The following GALNTL6 variants were observed in gnomAD, a reference collection of about 807,000 sequenced individuals.
The protein encoded by GALNTL6 is polypeptide N-acetylgalactosaminyltransferase-like 6.
In GALNTL6, 46 loss-of-function variants were observed where a neutral mutation model predicts 73.7. The observed-to-expected ratio is 0.62, with a 90% CI of 0.49 to 0.80. The LOEUF is 0.80. GALNTL6 is among the 30% of genes least tolerant of loss of function. The pLI is 0.00. For synonymous variants in GALNTL6, 259 were observed against 263.7 expected, an observed-to-expected ratio of 0.98 and a Z score of 0.17; for missense variants, 604 against 755.0, an observed-to-expected ratio of 0.80 and a Z score of 2.34.
intron 2 of GALNTL6, among the ~76,000 whole-genome samples, chr4:171,976,202 C>A (rs933170271): frequency 5.9e-5 from 9 of 152,144 alleles, no homozygotes; most frequent in African/African-American, 1.7e-4. Context: ...GGAATACAGG[C>A]GTAAGCCACT....
chr4:172,182,722 C>T (rs1051284103), intron 2 of GALNTL6, among the ~76,000 whole-genome samples: 15 of 151,734 alleles, frequency 9.9e-5, no homozygotes, highest in Admixed American at 2.0e-4. Context: ...TGTGTAAATA[C>T]ATTTTTTAAA....
chr4:172,977,377 A>G (rs1194357097), intron 10 of GALNTL6, among the ~76,000 whole-genome samples: 1 of 152,160 alleles, frequency 6.6e-6, no homozygotes, highest in Non-Finnish European at 1.5e-5. Flanking sequence ...GTCTTTCCAT[A>G]ACTGAACAAC....
intron 10 of GALNTL6, among the ~76,000 whole-genome samples, chr4:172,961,741 A>C (rs1750067214): frequency 6.6e-6 from 1 of 152,170 alleles, no homozygotes; most frequent in Admixed American, 6.5e-5. Flanking sequence ...GAATAAAGAG[A>C]GGCTGCTTAC....
chr4:172,341,833 T>G (rs1409618975), intron 4 of GALNTL6, among the ~76,000 whole-genome samples: 1 of 152,196 alleles, frequency 6.6e-6, no homozygotes, highest in Non-Finnish European at 1.5e-5. Context: ...CGGGTATGTC[T>G]TTATCAGCAC....
chr4:172,487,212 CTCCT>C (rs138742820), intron 5 of GALNTL6, among the ~76,000 whole-genome samples: 16,487 of 148,504 alleles, frequency 0.11, 1,001 homozygotes, highest in East Asian at 0.22. Flanking sequence ...TTCTTTCTTT[CTCCT>C]TCCTTCCTTC....
At chr4:172,470,108 G>A (rs1732991618) in intron 5 of GALNTL6, among the ~76,000 whole-genome samples, 1 of 152,140 alleles carries the variant, frequency 6.6e-6, no homozygotes, top group Non-Finnish European at 1.5e-5. Flanking sequence ...ACAATGCTAG[G>A]CACAGAAAGA....
chr4:172,487,192 T>TTTTC (rs564895002), intron 5 of GALNTL6, among the ~76,000 whole-genome samples: 8 of 151,416 alleles, frequency 5.3e-5, no homozygotes, highest in South Asian at 4.2e-4. Context: ...AAAATCTTCA[T>TTTTC]TTTCTTTCTT....
intron 2 of GALNTL6, among the ~76,000 whole-genome samples, chr4:172,199,410 G>A (rs181991805): frequency 5.9e-5 from 9 of 152,082 alleles, no homozygotes; most frequent in East Asian, 3.9e-4. Flanking sequence ...AATTATTTTC[G>A]TGATCATTTT....
chr4:172,633,372 G>T (rs1431047013), intron 5 of GALNTL6, among the ~76,000 whole-genome samples: 1 of 152,210 alleles, frequency 6.6e-6, no homozygotes, highest in Non-Finnish European at 1.5e-5. Flanking sequence ...TGGAGTCAAA[G>T]ACAATCATTT....
At chr4:172,261,089 T>C (rs1738241682) in intron 3 of GALNTL6, among the ~76,000 whole-genome samples, 2 of 151,284 alleles carry the variant, frequency 1.3e-5, no homozygotes, top group African/African-American at 4.8e-5. Context: ...TCTTTCCTGA[T>C]TGTGGTATTA....
chr4:172,515,879 T>A (rs970720619), intron 5 of GALNTL6, among the ~76,000 whole-genome samples: 7 of 152,166 alleles, frequency 4.6e-5, no homozygotes, highest in African/African-American at 9.7e-5. Context: ...TAGACTCAAT[T>A]CATCAGAACT....
chr4:171,947,159 C>T (rs150052428), intron 2 of GALNTL6, among the ~76,000 whole-genome samples: 99 of 152,082 alleles, frequency 6.5e-4, no homozygotes, highest in African/African-American at 2.1e-3. Context: ...TCTCTCTTTC[C>T]GCATGTATTT....
intron 3 of GALNTL6, among the ~76,000 whole-genome samples, chr4:172,256,049 G>A (rs1738064874): frequency 6.6e-6 from 1 of 151,426 alleles, no homozygotes; most frequent in Non-Finnish European, 1.5e-5. Context: ...TAAGGTATAT[G>A]TTGATTTAAA....
intron 5 of GALNTL6, among the ~76,000 whole-genome samples, chr4:172,364,409 C>T (rs4377556): frequency 0.94 from 142,369 of 152,126 alleles, 67,276 homozygotes; most frequent in Non-Finnish European, 1. Context: ...CAGAGTAAGA[C>T]CCTGTCTCTA....
chr4:172,265,926 T>G (rs960982271), intron 3 of GALNTL6, among the ~76,000 whole-genome samples: 7 of 152,170 alleles, frequency 4.6e-5, no homozygotes, highest in South Asian at 4.2e-4. Context: ...AACCTAAAGC[T>G]TATATATTCT....
intron 5 of GALNTL6, among the ~76,000 whole-genome samples, chr4:172,422,330 A>G (rs1731078884): frequency 6.6e-6 from 1 of 152,054 alleles, no homozygotes; most frequent in Non-Finnish European, 1.5e-5. Context: ...GCTAGATCCT[A>G]TGGTAATTCT....
At chr4:173,013,151 A>G (rs1437817284) in intron 11 of GALNTL6, among the ~76,000 whole-genome samples, 1 of 152,074 alleles carries the variant, frequency 6.6e-6, no homozygotes, top group East Asian at 1.9e-4. Context: ...GTTACTGGGG[A>G]CCTGAGGAAT....
At chr4:172,000,519 T>C (rs1194899325) in intron 2 of GALNTL6, among the ~76,000 whole-genome samples, 1 of 152,016 alleles carries the variant, frequency 6.6e-6, no homozygotes, top group Non-Finnish European at 1.5e-5. Flanking sequence ...CACCCTCAGC[T>C]CCCTGCAGTC....
intron 3 of GALNTL6, among the ~76,000 whole-genome samples, chr4:172,309,272 A>G (rs1271093773): frequency 6.6e-6 from 1 of 152,132 alleles, no homozygotes; most frequent in East Asian, 1.9e-4. Context: ...AAGAAAAGAA[A>G]GATACTTTTT....
Sources: gnomAD v4.1 joint callset for allele counts (sites outside exome capture counted in the v4.1 genomes callset) on GRCh38, gnomAD v4.1.1 for gene constraint, MANE v1.5 for transcripts, NCBI Gene and HGNC (gene_info 2026-07-23, HGNC 2026-07-21) for gene names.